MYO19: variants seen among roughly 807,000 people sequenced by gnomAD.
The protein encoded by MYO19 is myosin XIX.
MYO19 carries 132 observed loss-of-function variants against 129.2 expected under a neutral mutation model. The ratio of observed to expected loss-of-function variants is 1.02; its 90% confidence interval spans 0.89 to 1.18. MYO19 has a LOEUF of 1.18. Among genes scored for constraint, MYO19 ranks in the 50% most tolerant of loss-of-function variants. The pLI, the probability that MYO19 is intolerant of heterozygous loss-of-function variation, is 0.00. For missense variants in MYO19, 1,210 were observed against 1,216.7 expected (o/e 0.99, Z 0.08); for synonymous variants, 531 against 477.2 (o/e 1.11, Z -1.47).
intron 11 of MYO19, among the ~76,000 whole-genome samples, chr17:36,511,834 G>A (rs548731135): frequency 6.6e-5 from 10 of 152,148 alleles, no homozygotes; most frequent in African/African-American, 2.4e-4. Flanking sequence ...TGGTGACTGG[G>A]GGCAGGGCTG....
chr17:36,508,206 C>A (rs1218285108), intron 14 of MYO19: 2 of 283,474 alleles, frequency 7.1e-6, no homozygotes, highest in Non-Finnish European at 1.3e-5. Context: ...ATTTTTGAGT[C>A]TGAATTCTCT....
At chr17:36,521,083 T>C (rs2073101998) in intron 6 of MYO19, among the ~76,000 whole-genome samples, 1 of 152,256 alleles carries the variant, frequency 6.6e-6, no homozygotes, top group Admixed American at 6.5e-5. Flanking sequence ...CATTTGATTC[T>C]TTATAGTTTC....
chr17:36,528,301 G>A (rs753117322), intron 3 of MYO19, 99 bp from the exon 4 acceptor site: 1 of 1,283,728 alleles, frequency 7.8e-7, no homozygotes, highest in Non-Finnish European at 1.1e-6. Context: ...AAAGTGAGGA[G>A]ATCGAGACCA....
intron 2 of MYO19, 103 bp from the exon 3 acceptor site, chr17:36,532,784 C>A: frequency 1.7e-6 from 1 of 589,468 alleles, no homozygotes; most frequent in East Asian, 2.8e-5. Flanking sequence ...AAATGAGATG[C>A]AAGGCAGGCC....
Position 36,532,640 on chromosome 17 carries a change from G to C in MYO19, c.-102C>G, listed in dbSNP as rs769163394. 4.4e-5 allele frequency: 61 copies of C among 1,395,204 alleles called. No homozygotes were observed. The highest frequency in any genetic ancestry group is 6.1e-5 in the Non-Finnish European group (61 of 1,005,740). The allele number at this position is 1,395,204 out of a possible 1,614,324, so 86.4% of individuals were successfully genotyped here. On this transcript the variant is annotated 5_prime_UTR_variant, in exon 3 of 26. Transcript: ENST00000614623. ...TGGGCTGGGGTATGGTTCCAACAAA[G>C]GGCTCAGTTCTGGAGGAATCTCAGA...
chr17:36,537,960 TATGGCACTGATGGTA>T (rs1028047017), upstream of MYO19: 20 of 1,613,990 alleles, frequency 1.2e-5, no homozygotes, highest in Non-Finnish European at 1.4e-5. Context: ...GTTAATATTA[TATGGCACTGATGGTA>T]GTGGCACACG....
At position 36,532,662 on chromosome 17, in the gene MYO19, C is replaced by CA; in HGVS notation, c.-125dup. 1 of 1,185,300 alleles carries CA rather than the reference C, an allele frequency of 8.4e-7. No homozygotes were observed. 73.4% of individuals were successfully genotyped at this position (1,185,300 alleles called of 1,614,324 possible). On this transcript the variant is annotated 5_prime_UTR_variant, in exon 3 of 26. Coordinates refer to ENST00000614623, the MANE Select transcript of MYO19 (RefSeq NM_001163735.2). ...AAAGGGCTCAGTTCTGGAGGAATCTCAGACAAGTCACTCCAGCGCCTGTGG... is the reference window on the plus strand; with the variant it reads ...AAAGGGCTCAGTTCTGGAGGAATCTCAAGACAAGTCACTCCAGCGCCTGTGG...
chr17:36,512,786 G>A, intron 11 of MYO19: 4 of 1,286,696 alleles, frequency 3.1e-6, no homozygotes, highest in South Asian at 1.2e-5. Flanking sequence ...TGCTCTAGAG[G>A]GTGAGGAAGA....
At chr17:36,531,491 G>A (rs2073833929) in intron 3 of MYO19, among the ~76,000 whole-genome samples, 2 of 150,982 alleles carry the variant, frequency 1.3e-5, no homozygotes, top group South Asian at 4.2e-4. Context: ...ATATTTTAGA[G>A]AATATCATAG....
chr17:36,502,145 C>T (rs185044103), intron 21 of MYO19, among the ~76,000 whole-genome samples: 5 of 152,258 alleles, frequency 3.3e-5, no homozygotes, highest in Non-Finnish European at 7.4e-5. Context: ...GGGGTCCTGC[C>T]GAGGCGGGGC....
chr17:36,535,591 G>C (rs1185992151), upstream of MYO19: 1 of 152,278 alleles, frequency 6.6e-6, no homozygotes, highest in East Asian at 1.9e-4. Context: ...GCACCATTTG[G>C]AGTACGTGAG....
rs908150505 is a variant in MYO19, at chr17:36,525,268, T to A, written c.374A>T (p.Asn125Ile). 6.2e-7 allele frequency: 1 copy of A among 1,613,842 alleles called. No individual in the cohort carries two copies. The highest frequency in any genetic ancestry group is 1.7e-5 in the Admixed American group (1 of 60,004). ...CTCTCCACTGACAACAATAGACTGG[T>A]TGACTGGTTCAATCAGGCTCTTGAC... Reference protein sequence around the residue: ...RNVKSLIEPVNQSIVVSGESG... With the variant: ...RNVKSLIEPVIQSIVVSGESG... The change falls in exon 6 of 26, where the codon AAC (asparagine) becomes ATC (isoleucine). Residue 125 changes from asparagine to isoleucine, a missense_variant. Coordinates refer to ENST00000614623, the MANE Select transcript of MYO19 (RefSeq NM_001163735.2).
chr17:36,502,120 C>A (rs1193633994), intron 21 of MYO19, among the ~76,000 whole-genome samples: 1 of 152,202 alleles, frequency 6.6e-6, no homozygotes, highest in African/African-American at 2.4e-5. Flanking sequence ...GTGGGAGGGG[C>A]AGAGGTGCTG....
intron 18 of MYO19, 32 bp downstream of exon 18, chr17:36,506,424 C>T (rs758287382): frequency 6.2e-7 from 1 of 1,613,526 alleles, no homozygotes; most frequent in Non-Finnish European, 8.5e-7. Flanking sequence ...GGAGTTTGAA[C>T]CAAGCACCTC....
intron 14 of MYO19, 22 bp from the exon 15 acceptor site, chr17:36,507,946 CA>C: frequency 1.3e-6 from 2 of 1,580,072 alleles, no homozygotes; most frequent in Non-Finnish European, 1.7e-6. Flanking sequence ...GCAGAGAACC[CA>C]TGGGGCCACT....
chr17:36,518,546 A>G (rs1236452944), intron 6 of MYO19, among the ~76,000 whole-genome samples: 20 of 108,122 alleles, frequency 1.8e-4, no homozygotes, highest in African/African-American at 7.2e-4. Context: ...ATATATATAT[A>G]TATATATGTG....
At chr17:36,508,926 A>T in intron 14 of MYO19, 136 bp downstream of exon 14, 1 of 711,518 alleles carries the variant, frequency 1.4e-6, no homozygotes, top group Non-Finnish European at 2.5e-6. Flanking sequence ...CTATGCTGGC[A>T]GGCAGATGCA....
At chr17:36,525,718 A>G (rs1002065475) in intron 5 of MYO19, among the ~76,000 whole-genome samples, 1 of 152,194 alleles carries the variant, frequency 6.6e-6, no homozygotes, top group African/African-American at 2.4e-5. Context: ...ACCCTATTTT[A>G]TAGATAAGGA....
At chr17:36,518,654 G>A (rs1430303202) in intron 6 of MYO19, among the ~76,000 whole-genome samples, 1 of 146,406 alleles carries the variant, frequency 6.8e-6, no homozygotes, top group African/African-American at 2.5e-5. Context: ...GGCAAAAATG[G>A]TAACAATGTT....
Sources: allele counts gnomAD v4.1 joint callset (sites outside exome capture counted in the v4.1 genomes callset), GRCh38; gene constraint gnomAD v4.1.1; transcripts MANE v1.5; gene names NCBI Gene and HGNC (gene_info 2026-07-23, HGNC 2026-07-21).